MYO3A: variants seen among roughly 807,000 people sequenced by gnomAD.
MYO3A encodes myosin-IIIa.
Under a neutral mutation model 192.7 loss-of-function variants are expected in MYO3A, and 180 were observed. The observed-to-expected ratio is 0.93, with a 90% CI of 0.83 to 1.06. The LOEUF is 1.06. MYO3A is among the 50% of genes least tolerant of loss of function. MYO3A has a pLI of 0.00. For synonymous variants in MYO3A, 628 were observed against 645.3 expected (o/e 0.97, Z 0.41); for missense variants, 1,896 against 1,905.0 (o/e 1.00, Z 0.09).
At chr10:26,026,112 C>CAGAAGTGGTATTTAGTTGA (rs1842527404) in intron 9 of MYO3A, among the ~76,000 whole-genome samples, 2 of 152,146 alleles carry the variant, frequency 1.3e-5, no homozygotes, top group Non-Finnish European at 2.9e-5. Flanking sequence ...TACTGGGAGA[C>CAGAAGTGGTATTTAGTTGA]GACAGAAGTG....
chr10:26,157,278 A>T, intron 25 of MYO3A, 32 bp from the exon 26 acceptor site: 1 of 1,600,680 alleles, frequency 6.2e-7, no homozygotes, highest in South Asian at 1.1e-5. Flanking sequence ...TGTATGCTAC[A>T]TTGGGAAATT....
chr10:26,174,404 C>G lies in MYO3A; in HGVS notation c.4140C>G (p.Val1380=). Reference sequence around the variant, plus strand: ...CTTCTTTTAAGCATCAGAGGATTGTCACAACACCAACAGAAGTAGCAAGAA... The same window carrying G: ...CTTCTTTTAAGCATCAGAGGATTGTGACAACACCAACAGAAGTAGCAAGAA... ...KMSSFKHQRI[V]TTPTEVARNT... is the part of the protein sequence containing the mutation. The change falls in exon 30 of 35, where the codon GTC becomes GTG. Residue 1380 remains valine, a synonymous_variant. Coordinates refer to ENST00000642920, the MANE Select transcript of MYO3A (RefSeq NM_017433.5). 1 of 1,614,144 alleles carries G rather than the reference C, an allele frequency of 6.2e-7. No individual in the cohort carries two copies. The highest frequency in any genetic ancestry group is 8.5e-7 in the Non-Finnish European group (1 of 1,180,038).
intron 10 of MYO3A, among the ~76,000 whole-genome samples, chr10:26,062,536 A>G (rs1834569002): frequency 6.7e-6 from 1 of 150,202 alleles, no homozygotes; most frequent in South Asian, 2.1e-4. Context: ...AAAAAAAATT[A>G]TGGAGGAATC....
At chr10:26,097,835 C>T (rs1269858895) in intron 17 of MYO3A, among the ~76,000 whole-genome samples, 1 of 152,054 alleles carries the variant, frequency 6.6e-6, no homozygotes, top group African/African-American at 2.4e-5. Context: ...TGAATAGTGC[C>T]ACAATAAACA....
At chr10:25,997,043 G>C in intron 5 of MYO3A, 116 bp from the exon 6 acceptor site, 1 of 761,146 alleles carries the variant, frequency 1.3e-6, no homozygotes, top group East Asian at 2.7e-5. Context: ...ACATTTGAGT[G>C]TCTGAATGTT....
chr10:26,067,061 A>G lies in MYO3A; in HGVS notation c.1040A>G (p.Glu347Gly). The change falls in exon 11 of 35, where the codon GAA (glutamate) becomes GGA (glycine). Residue 347 changes from glutamate (E) to glycine (G), a missense_variant. By Grantham distance (98) the Glu-to-Gly change is moderately conservative (BLOSUM62 -2). Coordinates refer to ENST00000642920, the MANE Select transcript of MYO3A (RefSeq NM_017433.5). Reference sequence around the variant, plus strand: ...GATGTAGATGATTTAGCAACCCTAGAAATTTTGGATGAGGTAAGAATTTCA... The same window carrying G: ...GATGTAGATGATTTAGCAACCCTAGGAATTTTGGATGAGGTAAGAATTTCA... ...LKDVDDLATL[E>G]ILDENTVSEQ... 3 of 1,607,360 alleles carry G rather than the reference A, an allele frequency of 1.9e-6. No individual in the cohort carries two copies. Among genetic ancestry groups the G allele is most frequent in the Non-Finnish European group, 2.6e-6 (3 of 1,173,986 alleles).
At chr10:26,046,297 A>G (rs1175193525) in intron 10 of MYO3A, among the ~76,000 whole-genome samples, 1 of 152,184 alleles carries the variant, frequency 6.6e-6, no homozygotes, top group African/African-American at 2.4e-5. Context: ...GAGGACACCT[A>G]TTGGTCTATT....
intron 14 of MYO3A, among the ~76,000 whole-genome samples, chr10:26,085,743 C>T (rs1214945471): frequency 6.6e-6 from 1 of 152,226 alleles, no homozygotes; most frequent in Non-Finnish European, 1.5e-5. Context: ...AGAGCCTGTG[C>T]AGACTGCAGG....
chr10:26,208,357 C>T (rs758486294), intron 34 of MYO3A, among the ~76,000 whole-genome samples: 1 of 151,820 alleles, frequency 6.6e-6, no homozygotes, highest in Non-Finnish European at 1.5e-5. Context: ...GAAGCATCAA[C>T]AAAAAAAGAG....
chr10:26,096,517 C>T (rs922142358), intron 16 of MYO3A, 38 bp downstream of exon 16: 16 of 1,600,488 alleles, frequency 1.0e-5, no homozygotes, highest in Non-Finnish European at 1.4e-5. Context: ...ATAATACTTT[C>T]ACTTTTCCCT....
At chr10:25,953,367 G>C (rs1433197708) in intron 3 of MYO3A, among the ~76,000 whole-genome samples, 2 of 151,948 alleles carry the variant, frequency 1.3e-5, no homozygotes, top group African/African-American at 4.8e-5. Context: ...GAAAGGTAGG[G>C]GAGGTTTATT....
rs550316265 is a variant in MYO3A, at chr10:26,051,974, A to G, written c.954-15001A>G. Among the ~76,000 whole-genome samples, 4 of 152,350 alleles carry G rather than the reference A, an allele frequency of 2.6e-5. No individual in the cohort carries two copies. The East Asian group carries it at 7.7e-4, about 29-fold the overall frequency. On this transcript the variant is annotated intron_variant, in intron 10 of 34. Transcript: ENST00000642920. The stretch of plus-strand genomic sequence containing the variant: ...TTATGGTAATGAATGAGCAAGAAGC[A>G]TTAGAGAAAAGAAAACTCAAGAACT...
intron 31 of MYO3A, among the ~76,000 whole-genome samples, chr10:26,188,581 T>TA (rs1461890113): frequency 6.6e-6 from 1 of 152,146 alleles, no homozygotes; most frequent in Non-Finnish European, 1.5e-5. Context: ...TAAGGAATGG[T>TA]ATTGCCTAGG....
At chr10:26,056,884 T>C (rs1834143111) in intron 10 of MYO3A, among the ~76,000 whole-genome samples, 1 of 152,088 alleles carries the variant, frequency 6.6e-6, no homozygotes, top group African/African-American at 2.4e-5. Context: ...ATTTTTTCCA[T>C]ATCCATGAAG....
At chr10:26,067,132 A>G in intron 11 of MYO3A, 58 bp downstream of exon 11, 1 of 1,160,302 alleles carries the variant, frequency 8.6e-7, no homozygotes, top group Non-Finnish European at 1.3e-6. Context: ...AATTTATAGA[A>G]GACACGGGTA....
chr10:26,158,976 T>A (rs1402171601), intron 26 of MYO3A, among the ~76,000 whole-genome samples: 1 of 152,096 alleles, frequency 6.6e-6, no homozygotes, highest in Non-Finnish European at 1.5e-5. Context: ...AGACTCCTTC[T>A]AAATGTGATG....
chr10:26,120,823 T>C lies in MYO3A; in HGVS notation c.1903+21T>C, dbSNP rs749150329. 6.8e-6 allele frequency: 11 copies of C among 1,613,576 alleles called. No individual in the cohort carries two copies. The Admixed American group carries it at 1.2e-4, about 17-fold the overall frequency. ...GAACTGTAAGTTTTATTACCTTCTA[T>C]TCAAAACTGAAATCTTTCAAATCTT... On this transcript the variant is annotated intron_variant, in intron 18 of 34. Transcript: ENST00000642920.
chr10:26,143,731 A>T, intron 21 of MYO3A, 130 bp downstream of exon 21: 6 of 1,130,710 alleles, frequency 5.3e-6, no homozygotes, highest in Non-Finnish European at 7.7e-6. Flanking sequence ...TTGACTTTAA[A>T]GAAGAGCCTT....
At chr10:26,027,390 G>A (rs556241616) in intron 10 of MYO3A, among the ~76,000 whole-genome samples, 46 of 151,986 alleles carry the variant, frequency 3.0e-4, no homozygotes, top group African/African-American at 1.1e-3. Context: ...TGTCTCCTAG[G>A]CTGGAGTGCA....
Sources: gnomAD v4.1 joint callset for allele counts (sites outside exome capture counted in the v4.1 genomes callset) on GRCh38, gnomAD v4.1.1 for gene constraint, MANE v1.5 for transcripts, NCBI Gene and HGNC (gene_info 2026-07-23, HGNC 2026-07-21) for gene names.